MBNL1: variants seen among roughly 807,000 people sequenced by gnomAD.
MBNL1 encodes muscleblind like splicing regulator 1, also known as muscleblind-like protein 1.
MBNL1 carries 8 observed loss-of-function variants against 42.2 expected under a neutral mutation model. That is an observed-to-expected ratio of 0.19 (90% confidence interval 0.11 to 0.34). The LOEUF is 0.34. MBNL1 is among the 10% of genes least tolerant of loss of function. The pLI is 1.00. For synonymous variants in MBNL1, 169 were observed against 173.9 expected, an observed-to-expected ratio of 0.97 and a Z score of 0.22; for missense variants, 309 against 495.3, an observed-to-expected ratio of 0.62 and a Z score of 3.57.
At chr3:152,325,079 A>C (rs2152474384) in intron 2 of MBNL1, among the ~76,000 whole-genome samples, 5 of 47,316 alleles carry the variant, frequency 1.1e-4, no homozygotes, top group Admixed American at 3.0e-4. Context: ...ATGTAATGCC[A>C]CATACCCGCC....
At chr3:152,389,782 C>T (rs559439048) in intron 2 of MBNL1, among the ~76,000 whole-genome samples, 1 of 152,284 alleles carries the variant, frequency 6.6e-6, no homozygotes, top group African/African-American at 2.4e-5. Context: ...GATTACTATA[C>T]ATGACTGTTG....
At chr3:152,390,979 C>G (rs1427060024) in intron 2 of MBNL1, among the ~76,000 whole-genome samples, 1 of 152,162 alleles carries the variant, frequency 6.6e-6, no homozygotes, top group Non-Finnish European at 1.5e-5. Flanking sequence ...AAAATAAGAA[C>G]AACAGCTATA....
intron 2 of MBNL1, among the ~76,000 whole-genome samples, chr3:152,301,743 G>GT (rs1236217001): frequency 6.6e-6 from 1 of 152,168 alleles, no homozygotes; most frequent in African/African-American, 2.4e-5. Context: ...CACAGTGGTT[G>GT]TACCTCCGTG....
At chr3:152,438,446 C>T (rs2099107091) in intron 4 of MBNL1, among the ~76,000 whole-genome samples, 1 of 152,128 alleles carries the variant, frequency 6.6e-6, no homozygotes, top group Non-Finnish European at 1.5e-5. Flanking sequence ...CACAGAGGTA[C>T]TAAAATATAA....
At chr3:152,338,523 T>C in intron 2 of MBNL1, 2 of 985,374 alleles carry the variant, frequency 2.0e-6, no homozygotes, top group Non-Finnish European at 2.4e-6. Context: ...GTCAAAACCC[T>C]GAAACTTTCC....
At chr3:152,403,863 C>T (rs73009993) in intron 2 of MBNL1, among the ~76,000 whole-genome samples, 2,510 of 151,530 alleles carry the variant, frequency 0.017, 65 homozygotes, top group African/African-American at 0.058. Flanking sequence ...ACAATTTTAG[C>T]AAATGGTCAT....
At position 152,258,338 on chromosome 3, in the gene MBNL1, G is replaced by T. The variant is rs570146692; in HGVS notation, n.333+13898G>T. 4.3e-4 allele frequency among the ~76,000 whole-genome samples: 66 copies of T among 152,256 alleles called. 1 individual carries two copies. The highest frequency in any genetic ancestry group is 1.6e-3 in the African/African-American group (65 of 41,536). On this transcript the variant is annotated intron_variant and non_coding_transcript_variant, in intron 2 of 2. Coordinates refer to the MBNL1 transcript ENST00000477171. ...TCCACAAGGTAGACATTTTAAGTTT[G>T]CAGGAACCTGAGACTAGGAAAAAAT...
intron 1 of MBNL1, chr3:152,269,861 T>C (rs1435354897): frequency 6.4e-6 from 1 of 155,786 alleles, no homozygotes; most frequent in African/African-American, 2.5e-5. Flanking sequence ...AAGTAGTTAG[T>C]ACTTGGGTTC....
chr3:152,456,661 AATCGTGC>A (rs1734379245), intron 8 of MBNL1, among the ~76,000 whole-genome samples: 1 of 152,216 alleles, frequency 6.6e-6, no homozygotes, highest in African/African-American at 2.4e-5. Context: ...GGTTTCAACC[AATCGTGC>A]AGGTATTTTG....
At chr3:152,426,129 A>G (rs1275091773) in intron 3 of MBNL1, among the ~76,000 whole-genome samples, 12 of 151,480 alleles carry the variant, frequency 7.9e-5, no homozygotes, top group Non-Finnish European at 1.8e-4. Context: ...GTTCTCACTC[A>G]TAAGTGGGAG....
intron 2 of MBNL1, among the ~76,000 whole-genome samples, chr3:152,339,045 CCT>C (rs1488321659): frequency 6.6e-6 from 1 of 151,792 alleles, no homozygotes; most frequent in Non-Finnish European, 1.5e-5. Flanking sequence ...GTTTTATTTG[CCT>C]CTGTGTTAAT....
chr3:152,386,264 C>A (rs1373513751), intron 2 of MBNL1, among the ~76,000 whole-genome samples: 3 of 151,812 alleles, frequency 2.0e-5, no homozygotes, highest in Non-Finnish European at 4.4e-5. Context: ...AAAAAAGGAA[C>A]TTTTTTTATG....
In MBNL1 at chr3:152,463,756, A is replaced by C. The variant is rs998701244; in HGVS notation, c.*1390A>C. 4 of 151,952 alleles carry C rather than the reference A, an allele frequency of 2.6e-5. No individual in the cohort carries two copies. The highest frequency in any genetic ancestry group is 5.9e-5 in the Non-Finnish European group (4 of 67,828). The allele number at this position is 151,952 out of a possible 1,614,324, so 9.4% of individuals were successfully genotyped here. A position where few individuals can be genotyped will look rare whatever the true frequency, so the allele number is the denominator to read the frequency against. On this transcript the variant is annotated 3_prime_UTR_variant, in exon 10 of 10. Transcript: ENST00000324210. ...TCATCCAAAGGAATTCCTTTTTTTG[A>C]GGTTTGGATGTTGCAGCTAGTAAAG... is the stretch of plus-strand genomic sequence containing the variant.
intron 3 of MBNL1, among the ~76,000 whole-genome samples, chr3:152,419,018 C>T (rs2098753727): frequency 6.6e-6 from 1 of 151,986 alleles, no homozygotes; most frequent in Admixed American, 6.5e-5. Context: ...GCCCAGCCGA[C>T]AATCTTATAA....
At chr3:152,411,783 T>G (rs2098582833) in intron 2 of MBNL1, among the ~76,000 whole-genome samples, 2 of 152,244 alleles carry the variant, frequency 1.3e-5, no homozygotes, top group Non-Finnish European at 1.5e-5. Context: ...CTGGTGAAAC[T>G]TACAAACCTG....
In MBNL1 at chr3:152,415,039, G is replaced by A. The variant is rs551027824; in HGVS notation, c.273G>A (p.Lys91=). 1.7e-4 allele frequency: 275 copies of A among 1,611,290 alleles called. No individual in the cohort carries two copies. The South Asian group carries it at 2.9e-3, about 17-fold the overall frequency. ...INGRNNLIQQ[K]NMAMLAQQMQ... ...GACGCAATAACTTGATTCAGCAGAA[G>A]AACATGGCCATGTTGGCCCAGCAAA... Residue 91 remains lysine, a synonymous_variant, in exon 3 of 10, where the codon AAG becomes AAA. Coordinates refer to ENST00000324210, the MANE Select transcript of MBNL1 (RefSeq NM_021038.5).
intron 2 of MBNL1, among the ~76,000 whole-genome samples, chr3:152,349,060 G>C (rs942606887): frequency 1.3e-5 from 2 of 152,088 alleles, no homozygotes; most frequent in Non-Finnish European, 2.9e-5. Context: ...AATTTGAAGA[G>C]AAGGGAAGAA....
intron 2 of MBNL1, among the ~76,000 whole-genome samples, chr3:152,402,722 A>C (rs2098278906): frequency 6.6e-6 from 1 of 152,212 alleles, no homozygotes; most frequent in Non-Finnish European, 1.5e-5. Flanking sequence ...ATTTGAATGA[A>C]GAAAAAAATG....
At chr3:152,397,715 A>G (rs2098033753) in intron 2 of MBNL1, among the ~76,000 whole-genome samples, 1 of 152,122 alleles carries the variant, frequency 6.6e-6, no homozygotes, top group Non-Finnish European at 1.5e-5. Flanking sequence ...AAATAACCCT[A>G]TTGACTAACA....
Sources: gnomAD v4.1 joint callset for allele counts (sites outside exome capture counted in the v4.1 genomes callset) on GRCh38, gnomAD v4.1.1 for gene constraint, MANE v1.5 for transcripts, NCBI Gene and HGNC (gene_info 2026-07-23, HGNC 2026-07-21) for gene names.